Variants in SLC22A23 observed in about 807,000 individuals in gnomAD.
SLC22A23 encodes solute carrier family 22 member 23, also known as ion transporter protein.
Under a neutral mutation model 61.0 loss-of-function variants are expected in SLC22A23, and 26 were observed. The observed-to-expected ratio is 0.43, with a 90% CI of 0.31 to 0.59. SLC22A23 has a LOEUF of 0.59. SLC22A23 is among the 20% of genes least tolerant of loss of function. SLC22A23 has a pLI of 0.11. For missense variants in SLC22A23, 796 were observed against 934.7 expected (o/e 0.85, Z 1.94); for synonymous variants, 430 against 413.9 (o/e 1.04, Z -0.47).
chr6:3,377,661 G>A (rs1316192060), intron 3 of SLC22A23, among the ~76,000 whole-genome samples: 4 of 108 alleles, frequency 0.037, no homozygotes, highest in Non-Finnish European at 0.065. Context: ...TGTCTAGGCT[G>A]CAGATCAGTG....
rs1224615293 is a variant in SLC22A23, at chr6:3,387,414, G to T, written c.913+22774C>A. The stretch of plus-strand genomic sequence containing the variant: ...CCGTTACACCACTGTCCTCATCACA[G>T]TGTTAAGGTCACAAAAGACAAACCC... On this transcript the variant is annotated intron_variant, in intron 3 of 9. Transcript: ENST00000406686. This position sits in a 1 kb window ranked among gnomAD's most constrained non-coding sequence, Gnocchi z 5.0. Among the ~76,000 whole-genome samples, 3 of 152,218 alleles carry T rather than the reference G, an allele frequency of 2.0e-5. No individual in the cohort carries two copies. The highest frequency in any genetic ancestry group is 4.4e-5 in the Non-Finnish European group (3 of 68,042).
At chr6:3,381,674 C>T (rs77791142) in intron 3 of SLC22A23, among the ~76,000 whole-genome samples, 216 of 152,228 alleles carry the variant, frequency 1.4e-3, no homozygotes, top group African/African-American at 5.1e-3. Flanking sequence ...ACCATCTGTG[C>T]GAGGGGGACA....
intron 4 of SLC22A23, among the ~76,000 whole-genome samples, chr6:3,316,524 G>A (rs948718118): frequency 2.6e-5 from 4 of 152,186 alleles, no homozygotes; most frequent in South Asian, 2.1e-4. Flanking sequence ...CCTTGCTTAC[G>A]ATGACACCTC....
intron 3 of SLC22A23, among the ~76,000 whole-genome samples, chr6:3,391,338 G>A (rs1426852779): frequency 1.3e-5 from 2 of 152,184 alleles, no homozygotes; most frequent in African/African-American, 4.8e-5. Context: ...AAATCCATCT[G>A]GGTCATGAGG....
intron 3 of SLC22A23, among the ~76,000 whole-genome samples, chr6:3,373,219 T>C (rs2183065): frequency 0.3 from 46,000 of 152,186 alleles, 7,705 homozygotes; most frequent in East Asian, 0.52. Flanking sequence ...TCTAGTGCGA[T>C]TCCCTGGTAG....
chr6:3,275,783 T>C (rs1016718821), intron 9 of SLC22A23, among the ~76,000 whole-genome samples: 3 of 152,220 alleles, frequency 2.0e-5, no homozygotes, highest in Non-Finnish European at 2.9e-5. Flanking sequence ...GGGGTTTCGC[T>C]GTGTTAGCCA....
At position 3,404,487 on chromosome 6, in the gene SLC22A23, G is replaced by A. The variant is rs908631699; in HGVS notation, c.913+5701C>T. On this transcript the variant is annotated intron_variant, in intron 3 of 9. Transcript: ENST00000406686. ...TAGAAAGAAAAGTCCAGGTTTTGGC[G>A]AACATATAGGTAGAGATAGAGAGAA... is the stretch of plus-strand genomic sequence containing the variant. 5.3e-5 allele frequency among the ~76,000 whole-genome samples: 8 copies of A among 152,164 alleles called. No individual in the cohort carries two copies. The East Asian group carries it at 7.7e-4, about 15-fold the overall frequency.
intron 1 of SLC22A23, 61 bp downstream of exon 1, chr6:3,455,845 C>G (rs557258346): frequency 1.2e-4 from 168 of 1,444,486 alleles, no homozygotes; most frequent in Middle Eastern, 2.5e-4. Flanking sequence ...CCCGCTGGCT[C>G]GGGCTTGGAC....
intron 7 of SLC22A23, among the ~76,000 whole-genome samples, chr6:3,285,799 G>A (rs966442885): frequency 1.3e-5 from 2 of 152,210 alleles, no homozygotes; most frequent in East Asian, 1.9e-4. Flanking sequence ...CGACAAGGCC[G>A]CTCTGATCTG....
intron 3 of SLC22A23, among the ~76,000 whole-genome samples, chr6:3,358,663 T>C (rs1765258865): frequency 6.6e-6 from 1 of 152,150 alleles, no homozygotes; most frequent in South Asian, 2.1e-4. Context: ...ACATTGTGTC[T>C]ATAGTTCACG....
intron 4 of SLC22A23, among the ~76,000 whole-genome samples, chr6:3,298,845 G>A (rs1305582757): frequency 3.3e-5 from 5 of 151,670 alleles, no homozygotes; most frequent in East Asian, 1.9e-4. Flanking sequence ...AGTGGCGGGC[G>A]CCTGTAGTCC....
chr6:3,363,957 G>A (rs1765642719), intron 3 of SLC22A23, among the ~76,000 whole-genome samples: 1 of 152,302 alleles, frequency 6.6e-6, no homozygotes, highest in African/African-American at 2.4e-5. Context: ...AAGGACATTC[G>A]GGTGTAGTTG....
chr6:3,308,958 AAACC>A lies in SLC22A23; in HGVS notation c.1083-10744_1083-10741del, dbSNP rs1451035809. On this transcript the variant is annotated intron_variant, in intron 4 of 9. Coordinates refer to ENST00000406686, the MANE Select transcript of SLC22A23 (RefSeq NM_015482.2). This position sits in a 1 kb window ranked among gnomAD's most constrained non-coding sequence, Gnocchi z 5.1. Reference sequence around the variant, plus strand: ...ACTCTGTCTCAAAAAACAAACAAACAAACCAACCAAAAAACCCCAACAACCCACA... The same window carrying A: ...ACTCTGTCTCAAAAAACAAACAAACAAACCAAAAAACCCCAACAACCCACA... 1.3e-5 allele frequency among the ~76,000 whole-genome samples: 2 copies of A among 151,820 alleles called. No homozygotes were observed. Among genetic ancestry groups the A allele is most frequent in the African/African-American group, 4.8e-5 (2 of 41,296 alleles).
chr6:3,433,017 G>A (rs1770970007), intron 1 of SLC22A23, among the ~76,000 whole-genome samples: 1 of 152,198 alleles, frequency 6.6e-6, no homozygotes. Flanking sequence ...GCTGGCTGTG[G>A]GCTGGGTAAC....
intron 4 of SLC22A23, among the ~76,000 whole-genome samples, chr6:3,298,686 T>C (rs193245443): frequency 6.2e-4 from 94 of 152,042 alleles, no homozygotes; most frequent in African/African-American, 2.1e-3. Context: ...ATGTTAAATG[T>C]TCCCGGCCGG....
chr6:3,379,626 G>C (rs1168767666), intron 3 of SLC22A23, among the ~76,000 whole-genome samples: 2 of 152,128 alleles, frequency 1.3e-5, no homozygotes, highest in African/African-American at 4.8e-5. Context: ...GGACTGAAAT[G>C]CTGCCATTTG....
intron 3 of SLC22A23, among the ~76,000 whole-genome samples, chr6:3,363,464 G>A (rs1002838287): frequency 7.9e-5 from 12 of 152,244 alleles, no homozygotes; most frequent in Admixed American, 2.0e-4. Flanking sequence ...GAGAAGGGGA[G>A]GGGATGGAAA....
intron 6 of SLC22A23, among the ~76,000 whole-genome samples, chr6:3,287,682 T>G (rs61422318): frequency 0.13 from 19,327 of 150,616 alleles, 1,797 homozygotes; most frequent in African/African-American, 0.25. Flanking sequence ...ACTGTTTTTT[T>G]TTTTGTTTTG....
rs968283894 is a variant in SLC22A23, at chr6:3,309,119, G to A, written c.1083-10901C>T. 3.3e-5 allele frequency among the ~76,000 whole-genome samples: 5 copies of A among 151,132 alleles called. No homozygotes were observed. Among genetic ancestry groups the A allele is most frequent in the African/African-American group, 1.2e-4 (5 of 41,006 alleles). The stretch of plus-strand genomic sequence containing the variant: ...GTTTGAGACCAGCCTGTCCAACATG[G>A]TGAAACCCCCATCTCTACTAAAAAC... On this transcript the variant is annotated intron_variant, in intron 4 of 9. Coordinates refer to ENST00000406686, the MANE Select transcript of SLC22A23 (RefSeq NM_015482.2). This position sits in a 1 kb window ranked among gnomAD's most constrained non-coding sequence, Gnocchi z 4.7.
Sources: gnomAD v4.1 joint callset for allele counts (sites outside exome capture counted in the v4.1 genomes callset) on GRCh38, gnomAD v4.1.1 for gene constraint, Gnocchi (gnomAD v3.1) non-coding constraint, MANE v1.5 for transcripts, NCBI Gene and HGNC (gene_info 2026-07-23, HGNC 2026-07-21) for gene names.